MTA3: variants seen among roughly 807,000 people sequenced by gnomAD.
The protein encoded by MTA3 is metastasis associated 1 family member 3, also known as metastasis-associated protein MTA3.
In MTA3, 34 loss-of-function variants were observed where a neutral mutation model predicts 83.5. That is an observed-to-expected ratio of 0.41 (90% CI 0.31 to 0.54). The LOEUF (loss-of-function observed/expected upper bound fraction) is 0.54, where lower values mean the gene tolerates loss of function less well. Among genes scored for constraint, MTA3 ranks in the 20% least tolerant of loss-of-function variants. The pLI is 0.33. For synonymous variants in MTA3, 303 were observed against 252.7 expected (o/e 1.20, Z -1.89); for missense variants, 761 against 726.4 (o/e 1.05, Z -0.55).
At chr2:42,615,815 G>C (rs776006503) in intron 4 of MTA3, among the ~76,000 whole-genome samples, 3 of 131,634 alleles carry the variant, frequency 2.3e-5, no homozygotes, top group Non-Finnish European at 4.6e-5. Flanking sequence ...CTGCCTCCCG[G>C]GTTCACGCCA....
At chr2:42,753,130 A>G (rs370403154) in intron 16 of MTA3, among the ~76,000 whole-genome samples, 4 of 152,038 alleles carry the variant, frequency 2.6e-5, no homozygotes, top group African/African-American at 4.8e-5. Flanking sequence ...GAGTGATGCT[A>G]TGTCGTCCAG....
At chr2:42,723,117 T>C (rs1667548397) in intron 16 of MTA3, 82 bp downstream of exon 16, 2 of 1,413,172 alleles carry the variant, frequency 1.4e-6, no homozygotes, top group Middle Eastern at 1.8e-4. Context: ...TCCAAAAATA[T>C]ATTATAAGCA....
chr2:42,653,349 C>G (rs1337168057), intron 6 of MTA3, among the ~76,000 whole-genome samples: 1 of 152,068 alleles, frequency 6.6e-6, no homozygotes, highest in East Asian at 1.9e-4. Context: ...TGGAATTAAT[C>G]TTTGTTCAGT....
chr2:42,509,461 C>G (rs1340731833), intron 2 of MTA3, among the ~76,000 whole-genome samples: 1 of 152,150 alleles, frequency 6.6e-6, no homozygotes, highest in Non-Finnish European at 1.5e-5. Flanking sequence ...TGCTTGGCTC[C>G]TTGTAGAAGC....
At chr2:42,546,192 G>C (rs1572958593) in intron 2 of MTA3, among the ~76,000 whole-genome samples, 2 of 152,166 alleles carry the variant, frequency 1.3e-5, no homozygotes, top group African/African-American at 4.8e-5. Flanking sequence ...GTGACTGCTG[G>C]CACTTAAAAT....
chr2:42,653,110 T>C (rs537308762), intron 6 of MTA3, among the ~76,000 whole-genome samples: 1 of 152,354 alleles, frequency 6.6e-6, no homozygotes, highest in South Asian at 2.1e-4. Flanking sequence ...ACATTTAAAA[T>C]AGTTGCTGGG....
intron 2 of MTA3, among the ~76,000 whole-genome samples, chr2:42,495,975 G>T (rs79447010): frequency 0.017 from 2,515 of 152,240 alleles, 70 homozygotes; most frequent in African/African-American, 0.057. Context: ...AGATGAGCCT[G>T]GCTTGATACC....
intron 13 of MTA3, among the ~76,000 whole-genome samples, chr2:42,708,313 A>C (rs1429330015): frequency 2.0e-5 from 3 of 152,216 alleles, no homozygotes; most frequent in African/African-American, 7.2e-5. Flanking sequence ...CTTACAAATT[A>C]AATGTTTAAT....
At chr2:42,548,826 T>TCAGCGGGC (rs1676892964) in intron 2 of MTA3, among the ~76,000 whole-genome samples, 1 of 17,360 alleles carries the variant, frequency 5.8e-5, no homozygotes, top group Non-Finnish European at 1.4e-4. Flanking sequence ...TATATATATA[T>TCAGCGGGC]ATAATATATA....
At chr2:42,622,994 C>T (rs1685728838) in intron 4 of MTA3, among the ~76,000 whole-genome samples, 1 of 152,138 alleles carries the variant, frequency 6.6e-6, no homozygotes, top group South Asian at 2.1e-4. Flanking sequence ...AGAAGAGATT[C>T]ACAAGTATAA....
At chr2:42,752,308 G>A in intron 16 of MTA3, 7 of 470,930 alleles carry the variant, frequency 1.5e-5, no homozygotes, top group Non-Finnish European at 2.6e-5. Context: ...GGCTGTGAAG[G>A]TGAGCATTGC....
intron 2 of MTA3, among the ~76,000 whole-genome samples, chr2:42,533,941 C>G (rs1425329983): frequency 1.3e-5 from 2 of 151,838 alleles, no homozygotes; most frequent in Non-Finnish European, 2.9e-5. Flanking sequence ...GGCTACCAGA[C>G]AAGTTTAAGT....
chr2:42,647,704 A>G (rs1398341276), intron 6 of MTA3, among the ~76,000 whole-genome samples: 1 of 152,168 alleles, frequency 6.6e-6, no homozygotes, highest in East Asian at 1.9e-4. Context: ...TATCGATTTT[A>G]TTGAAAAATA....
At chr2:42,610,612 T>A (rs1684072116) in intron 4 of MTA3, among the ~76,000 whole-genome samples, 1 of 152,214 alleles carries the variant, frequency 6.6e-6, no homozygotes, top group Non-Finnish European at 1.5e-5. Flanking sequence ...AAATTTAAGA[T>A]ATTGTTGAGC....
intron 3 of MTA3, among the ~76,000 whole-genome samples, chr2:42,585,575 A>G (rs921581615): frequency 1.3e-5 from 2 of 150,608 alleles, no homozygotes; most frequent in South Asian, 2.1e-4. Context: ...CGTGGGTTCA[A>G]GTGATTCGCC....
intron 14 of MTA3, among the ~76,000 whole-genome samples, chr2:42,711,567 A>C (rs1666611033): frequency 6.6e-6 from 1 of 152,214 alleles, no homozygotes; most frequent in South Asian, 2.1e-4. Flanking sequence ...GTGTTTCAGC[A>C]GCCGTCTACT....
chr2:42,546,484 C>A (rs181991633), intron 2 of MTA3, among the ~76,000 whole-genome samples: 22 of 142,868 alleles, frequency 1.5e-4, no homozygotes, highest in Non-Finnish European at 9.2e-5. Flanking sequence ...TCTAACCTGG[C>A]AACTTTGGTC....
intron 6 of MTA3, among the ~76,000 whole-genome samples, chr2:42,648,186 G>C (rs888990835): frequency 2.0e-5 from 3 of 152,072 alleles, no homozygotes; most frequent in African/African-American, 4.8e-5. Flanking sequence ...GGAAGGAGTG[G>C]GGATACCAGT....
At chr2:42,714,150 G>A (rs546611423) in intron 14 of MTA3, among the ~76,000 whole-genome samples, 1 of 152,322 alleles carries the variant, frequency 6.6e-6, no homozygotes, top group South Asian at 2.1e-4. Flanking sequence ...TTTTGAATGA[G>A]ATAGAAATCT....
Sources: gnomAD v4.1 joint callset for allele counts (sites outside exome capture counted in the v4.1 genomes callset) on GRCh38, gnomAD v4.1.1 for gene constraint, MANE v1.5 for transcripts, NCBI Gene and HGNC (gene_info 2026-07-23, HGNC 2026-07-21) for gene names.